Variants in SKIC8 observed in about 807,000 individuals in gnomAD.
The protein encoded by SKIC8 is superkiller complex protein 8.
chr15:78,283,643 A>C, the SKIC8 span: 1 of 743,386 alleles, frequency 1.3e-6, no homozygotes. Flanking sequence ...ATGTTCTTGT[A>C]CTTTCTAAAT....
the SKIC8 span, chr15:78,292,595 C>A: frequency 6.2e-7 from 1 of 1,614,030 alleles, no homozygotes. Context: ...CTATTATCTC[C>A]CCTACAAGTA....
chr15:78,286,360 G>C, the SKIC8 span: 3 of 435,290 alleles, frequency 6.9e-6, no homozygotes, highest in Non-Finnish European at 1.2e-5. Context: ...ACCACCAAAA[G>C]CCAAGAATAA....
At chr15:78,286,079 G>A in the SKIC8 span, 278 of 1,613,950 alleles carry the variant, frequency 1.7e-4, 1 homozygote, top group Middle Eastern at 1.2e-3. Context: ...AGAATGCAAC[G>A]TTCAGCACCC....
the SKIC8 span, among the ~76,000 whole-genome samples, chr15:78,287,543 G>A: frequency 4.9e-4 from 74 of 152,302 alleles, no homozygotes; most frequent in African/African-American, 1.8e-3. Flanking sequence ...GCTAAGGTTG[G>A]AGTGTGATAT....
the SKIC8 span, chr15:78,286,138 A>T: frequency 6.2e-7 from 1 of 1,605,390 alleles, no homozygotes; most frequent in Non-Finnish European, 8.5e-7. Context: ...TGTTGTCTGA[A>T]ATGGGAAAGT....
the SKIC8 span, among the ~76,000 whole-genome samples, chr15:78,296,913 T>C: frequency 1.1e-4 from 17 of 152,204 alleles, no homozygotes; most frequent in Non-Finnish European, 2.9e-5. Context: ...CACTAAATTA[T>C]CCAACACAGA....
chr15:78,293,096 A>G, the SKIC8 span: 1 of 1,360,508 alleles, frequency 7.4e-7, no homozygotes, highest in South Asian at 1.2e-5. Context: ...CCGGACTGCA[A>G]CTGGAGAGTT....
At chr15:78,293,071 A>G in the SKIC8 span, 3 of 1,133,918 alleles carry the variant, frequency 2.6e-6, no homozygotes, top group Non-Finnish European at 3.9e-6. Context: ...TTTCTTGCCT[A>G]GAAAAAAGTA....
the SKIC8 span, chr15:78,289,558 G>T: frequency 3.8e-6 from 5 of 1,304,054 alleles, 1 homozygote; most frequent in South Asian, 6.3e-5. Flanking sequence ...TTCAATGAAA[G>T]AATAATTCTT....
the SKIC8 span, chr15:78,286,006 C>A: frequency 1.3e-6 from 2 of 1,572,464 alleles, no homozygotes; most frequent in Non-Finnish European, 1.7e-6. Flanking sequence ...CTCATCTCCC[C>A]AGCATTTTAG....
chr15:78,298,592 G>A, the SKIC8 span, among the ~76,000 whole-genome samples: 15 of 151,918 alleles, frequency 9.9e-5, no homozygotes, highest in African/African-American at 2.9e-4. Context: ...CCTAATTTAC[G>A]AATTAAACTA....
the SKIC8 span, chr15:78,283,715 C>T: frequency 4.2e-6 from 2 of 475,288 alleles, no homozygotes; most frequent in Non-Finnish European, 7.3e-6. Flanking sequence ...AGAATTCCTG[C>T]CCCTTCCCAT....
the SKIC8 span, chr15:78,293,126 C>G: frequency 1.3e-6 from 2 of 1,574,348 alleles, no homozygotes; most frequent in Non-Finnish European, 1.7e-6. Context: ...AACCTCAGCC[C>G]CCAATTTTCC....
At chr15:78,290,126 T>C in the SKIC8 span, 7 of 1,594,810 alleles carry the variant, frequency 4.4e-6, no homozygotes, top group Non-Finnish European at 6.0e-6. Context: ...AGGACAAAAA[T>C]ACAGTGTGAA....
chr15:78,297,670 A>G, the SKIC8 span, among the ~76,000 whole-genome samples: 1 of 152,220 alleles, frequency 6.6e-6, no homozygotes, highest in Non-Finnish European at 1.5e-5. Context: ...CAGTGGAAGA[A>G]AATGCTAAAT....
chr15:78,297,684 A>T, the SKIC8 span, among the ~76,000 whole-genome samples: 1 of 152,228 alleles, frequency 6.6e-6, no homozygotes, highest in Non-Finnish European at 1.5e-5. Flanking sequence ...GCTAAATTTC[A>T]GTTGGAGGTT....
At chr15:78,293,606 C>A in the SKIC8 span, among the ~76,000 whole-genome samples, 1 of 152,172 alleles carries the variant, frequency 6.6e-6, no homozygotes, top group East Asian at 1.9e-4. Context: ...GTGGGGAAGA[C>A]CCCCTCCTAC....
the SKIC8 span, chr15:78,289,954 T>C: frequency 1.9e-6 from 3 of 1,613,544 alleles, no homozygotes; most frequent in Non-Finnish European, 8.5e-7. Context: ...TCCTTACATA[T>C]GCAATACTAA....
At chr15:78,286,008 G>A in the SKIC8 span, 1 of 1,583,040 alleles carries the variant, frequency 6.3e-7, no homozygotes, top group Non-Finnish European at 8.6e-7. Flanking sequence ...CATCTCCCCA[G>A]CATTTTAGAA....
Sources: gnomAD v4.1 joint callset for allele counts (sites outside exome capture counted in the v4.1 genomes callset) on GRCh38, gnomAD v4.1.1 for gene constraint, MANE v1.5 for transcripts, NCBI Gene and HGNC (gene_info 2026-07-23, HGNC 2026-07-21) for gene names.